The following TNFRSF10D variants were observed in gnomAD, a reference collection of about 807,000 sequenced individuals.
TNFRSF10D encodes TNF receptor superfamily member 10d.
Under a neutral mutation model 42.1 loss-of-function variants are expected in TNFRSF10D, and 28 were observed. The observed-to-expected ratio is 0.66, with a 90% confidence interval of 0.49 to 0.91. The LOEUF (loss-of-function observed/expected upper bound fraction) is 0.91, where lower values mean the gene tolerates loss of function less well. Ranked by LOEUF, TNFRSF10D falls within the 40% of genes least tolerant of loss-of-function variation. The pLI is 0.00. For missense variants in TNFRSF10D, 503 were observed against 486.1 expected (o/e 1.03, Z -0.33); for synonymous variants, 186 against 189.4 (o/e 0.98, Z 0.15).
chr8:23,138,097 C>A (rs1814371265), intron 8 of TNFRSF10D, 91 bp downstream of exon 8: 1 of 1,609,042 alleles, frequency 6.2e-7, no homozygotes. Flanking sequence ...GTGAAACCTC[C>A]AGAAGAGCCC....
intron 1 of TNFRSF10D, among the ~76,000 whole-genome samples, 161 bp downstream of exon 1, chr8:23,163,625 C>G (rs920702176): frequency 2.0e-5 from 3 of 152,274 alleles, no homozygotes; most frequent in Middle Eastern, 3.4e-3. Context: ...AGCCCGGGCA[C>G]CCCACTCTTC....
chr8:23,150,182 TCCC>T (rs1563359189), intron 2 of TNFRSF10D, among the ~76,000 whole-genome samples: 921 of 152,162 alleles, frequency 6.1e-3, no homozygotes, highest in African/African-American at 0.019. Flanking sequence ...GCCAGGTCAG[TCCC>T]CATGAACTCA....
At position 23,137,829 on chromosome 8, in the gene TNFRSF10D, A is replaced by G; in HGVS notation, c.*41T>C. 2.5e-6 allele frequency: 4 copies of G among 1,588,906 alleles called. No homozygotes were observed. The highest frequency in any genetic ancestry group is 3.4e-6 in the Non-Finnish European group (4 of 1,169,886). The stretch of plus-strand genomic sequence containing the variant: ...CAGGCTGCTTCCCTTTGTAGGAGAA[A>G]AGGTAAATGAGGGAAGCTCTGGTTT... On this transcript the variant is annotated 3_prime_UTR_variant, in exon 9 of 9. Transcript: ENST00000312584.
rs145711687 is a variant in TNFRSF10D at position 23,144,452 on chromosome 8, G to A, written c.952C>T (p.Leu318=). The change falls in exon 7 of 9, where the codon CTG becomes TTG. Residue 318 remains leucine, a splice_region_variant and synonymous_variant. Coordinates refer to ENST00000312584, the MANE Select transcript of TNFRSF10D (RefSeq NM_003840.5). ...GGCACAGTCCCTCCTCAACTCACCA[G>A]CAGACGCTGTGGCTCCTCTGGCAAC... ...VELPEEPQRL[L]EQAEAEGCQR... 76 of 1,613,498 alleles carry A rather than the reference G, an allele frequency of 4.7e-5. No homozygotes were observed. Among genetic ancestry groups the A allele is most frequent in the Non-Finnish European group, 5.6e-5 (66 of 1,179,674 alleles).
At chr8:23,150,105 G>C (rs539967553) in intron 2 of TNFRSF10D, among the ~76,000 whole-genome samples, 39 of 152,214 alleles carry the variant, frequency 2.6e-4, no homozygotes, top group African/African-American at 9.2e-4. Flanking sequence ...TTGTGCCTTC[G>C]GGCTAGCACT....
At chr8:23,140,936 A>G (rs1477445293) in intron 7 of TNFRSF10D, among the ~76,000 whole-genome samples, 1 of 152,220 alleles carries the variant, frequency 6.6e-6, no homozygotes, top group Non-Finnish European at 1.5e-5. Context: ...CTCCCCATTC[A>G]ACAGCTGATG....
chr8:23,145,719 C>G lies in TNFRSF10D; in HGVS notation c.685G>C (p.Gly229Arg). The G allele has an allele frequency of 1.2e-6, 2 of 1,614,094 alleles. No homozygotes were observed. Among genetic ancestry groups the G allele is most frequent in the Non-Finnish European group, 1.7e-6 (2 of 1,180,032 alleles). Reference protein sequence around the residue: ...LVIILAVVVVGFSCRKKFISY... With the variant: ...LVIILAVVVVRFSCRKKFISY... Reference sequence around the variant, plus strand: ...ATGAATTTCTTCCGACATGAAAAGCCAACCACAACCACAGCTAAAATGATG... The same window carrying G: ...ATGAATTTCTTCCGACATGAAAAGCGAACCACAACCACAGCTAAAATGATG... Residue 229 changes from glycine to arginine, a missense_variant, in exon 5 of 9, where the codon GGC (glycine) becomes CGC (arginine). Transcript: ENST00000312584.
At chr8:23,147,213 G>C (rs962547733) in intron 3 of TNFRSF10D, 141 bp from the exon 4 acceptor site, 2 of 665,486 alleles carry the variant, frequency 3.0e-6, no homozygotes, top group Non-Finnish European at 5.3e-6. Context: ...CAGCACACTC[G>C]GGACTCATAC....
chr8:23,145,882 G>T lies in TNFRSF10D; in HGVS notation c.522C>A (p.Pro174=), dbSNP rs762547273. 5 of 1,614,050 alleles carry T rather than the reference G, an allele frequency of 3.1e-6. No homozygotes were observed. In the East Asian group the frequency reaches 1.1e-4, roughly 36 times the overall value. The part of the protein sequence containing the change: ...RGMVKVSNCT[P]RSDIKCKNES... ...CATTTTTGCACTTGATGTCACTCCG[G>T]GGCGTACAATTACTGACCTTGACCA... The change falls in exon 5 of 9, where the codon CCC becomes CCA. Residue 174 remains proline (P), a synonymous_variant. Transcript: ENST00000312584.
intron 1 of TNFRSF10D, among the ~76,000 whole-genome samples, chr8:23,159,020 G>A (rs2128839781): frequency 6.6e-6 from 1 of 152,174 alleles, no homozygotes; most frequent in Admixed American, 6.6e-5. Flanking sequence ...CAATAGATTA[G>A]TTGTATTTTA....
At chr8:23,143,667 A>C (rs1256631094) in intron 7 of TNFRSF10D, among the ~76,000 whole-genome samples, 3 of 152,202 alleles carry the variant, frequency 2.0e-5, no homozygotes, top group African/African-American at 7.2e-5. Flanking sequence ...AAGCAGAGAA[A>C]AATAGGAGAA....
chr8:23,141,271 G>A (rs552349943), intron 7 of TNFRSF10D, among the ~76,000 whole-genome samples: 12 of 152,236 alleles, frequency 7.9e-5, no homozygotes, highest in African/African-American at 1.4e-4. Flanking sequence ...TTGAGAGGAC[G>A]AGGCAGGCAG....
chr8:23,149,205 A>G (rs1800176911), intron 2 of TNFRSF10D, among the ~76,000 whole-genome samples: 1 of 141,618 alleles, frequency 7.1e-6, no homozygotes, highest in Admixed American at 6.8e-5. Flanking sequence ...AAAAAAAAAA[A>G]AAGAAAAGAA....
At chr8:23,156,828 A>G (rs1225233690) in intron 1 of TNFRSF10D, among the ~76,000 whole-genome samples, 1 of 152,074 alleles carries the variant, frequency 6.6e-6, no homozygotes, top group Non-Finnish European at 1.5e-5. Flanking sequence ...GAGCCTCCCA[A>G]AGTACTAGGA....
At position 23,147,057 on chromosome 8, in the gene TNFRSF10D, C is replaced by A. The variant is rs201641657; in HGVS notation, c.386G>T (p.Ser129Ile). Residue 129 changes from serine (S) to isoleucine (I), a missense_variant, in exon 4 of 9, where the codon AGT becomes ATT. Transcript: ENST00000312584. ...GGTGTCTCTGGTCGTGGTACAGGAA[C>A]TTTTATTTGTTTGACCTGACAACAG... ...TVCKSGQTNK[S>I]SCTTTRDTVC... 1.7e-5 allele frequency: 27 copies of A among 1,613,890 alleles called. 1 individual carries two copies. The South Asian group carries it at 2.7e-4, about 16-fold the overall frequency.
At chr8:23,155,789 G>A (rs1358036461) in intron 1 of TNFRSF10D, among the ~76,000 whole-genome samples, 1 of 151,554 alleles carries the variant, frequency 6.6e-6, no homozygotes, top group Non-Finnish European at 1.5e-5. Context: ...GTTTGACCAA[G>A]TGTTTAATTG....
In TNFRSF10D at chr8:23,139,548, T is replaced by TC. The variant is rs201026924; in HGVS notation, c.955-1289dup. On this transcript the variant is annotated intron_variant, in intron 7 of 8. Transcript: ENST00000312584. ...ACATGCCTCAAAATGGTAAGAGCCA[T>TC]CTATGACAAACCCACAGCCAACATC... is the stretch of plus-strand genomic sequence containing the variant. Among the ~76,000 whole-genome samples, 497 of 152,204 alleles carry TC rather than the reference T, an allele frequency of 3.3e-3. 2 individuals carry two copies. The highest frequency in any genetic ancestry group is 0.011 in the African/African-American group (473 of 41,526).
At position 23,163,843 on chromosome 8, in the gene TNFRSF10D, C is replaced by T. The variant is rs767507125; in HGVS notation, c.93G>A (p.Trp31Ter). The T allele has an allele frequency of 5.4e-4, 862 of 1,606,684 alleles. No homozygotes were observed. The African/African-American group carries it at 9.5e-3, about 18-fold the overall frequency. The change falls in exon 1 of 9, where the codon TGG (tryptophan) becomes TGA (stop). Residue 31 changes from tryptophan to a stop codon, truncating the protein, a stop_gained. Coordinates refer to ENST00000312584, the MANE Select transcript of TNFRSF10D (RefSeq NM_003840.5). LOFTEE classifies it high-confidence loss of function. Reference protein sequence around the residue: ...GARTASGTRPWLLDPKILKFV... With the variant: ...GARTASGTRP ...ACTTAAGGATCTTGGGGTCCAGGAG[C>T]CATGGTCTGGTTCCCGACGCTGTCC...
At chr8:23,163,744 A>C (rs1366838170) in intron 1 of TNFRSF10D, 42 bp downstream of exon 1, 1 of 1,595,598 alleles carries the variant, frequency 6.3e-7, no homozygotes, top group African/African-American at 1.3e-5. Flanking sequence ...TCCCGGCGCC[A>C]GGTGCGCTCT....
Sources: allele counts gnomAD v4.1 joint callset (sites outside exome capture counted in the v4.1 genomes callset), GRCh38; gene constraint gnomAD v4.1.1; transcripts MANE v1.5; gene names NCBI Gene and HGNC (gene_info 2026-07-23, HGNC 2026-07-21).